The following CAMK1D variants were observed in gnomAD, a reference collection of about 807,000 sequenced individuals.
CAMK1D encodes the protein calcium/calmodulin dependent protein kinase ID, also known as calcium/calmodulin-dependent protein kinase type 1D.
CAMK1D carries 9 observed loss-of-function variants against 47.7 expected under a neutral mutation model. The ratio of observed to expected loss-of-function variants is 0.19; its 90% CI spans 0.11 to 0.33. CAMK1D has a LOEUF of 0.33. Ranked by LOEUF, CAMK1D falls within the 10% of genes least tolerant of loss-of-function variation. The pLI is 1.00. For missense variants in CAMK1D, 291 were observed against 488.7 expected, an observed-to-expected ratio of 0.60 and a Z score of 3.81; for synonymous variants, 184 against 184.9, an observed-to-expected ratio of 0.99 and a Z score of 0.04.
intron 7 of CAMK1D, among the ~76,000 whole-genome samples, chr10:12,816,032 G>A (rs561123186): frequency 6.6e-6 from 1 of 152,174 alleles, no homozygotes; most frequent in South Asian, 2.1e-4. Context: ...AGGGTCCCAG[G>A]CCACCTCCTC....
intron 3 of CAMK1D, among the ~76,000 whole-genome samples, chr10:12,672,525 C>T (rs183879655): frequency 5.3e-5 from 8 of 151,710 alleles, no homozygotes; most frequent in South Asian, 2.1e-4. Context: ...TGCACCACCA[C>T]GCCTAGATAA....
At position 12,828,904 on chromosome 10, in the gene CAMK1D, G is replaced by C; in HGVS notation, c.*17G>C. The C allele has an allele frequency of 6.3e-7, 1 of 1,584,450 alleles. No individual in the cohort carries two copies. On this transcript the variant is annotated 3_prime_UTR_variant, in exon 11 of 11. Coordinates refer to ENST00000619168, the MANE Select transcript of CAMK1D (RefSeq NM_153498.4). ...AGCAAGTGACTGGCCCTGGAGGTGG[G>C]GCCCGGGGTCGGGGCTGGGGAAGGG...
At chr10:12,423,494 GAC>G (rs781193201) in intron 1 of CAMK1D, among the ~76,000 whole-genome samples, 1 of 150,932 alleles carries the variant, frequency 6.6e-6, no homozygotes, top group Non-Finnish European at 1.5e-5. Context: ...CAGCCCAGGG[GAC>G]AGAGTGAGTC....
chr10:12,653,761 A>G (rs901105839), intron 2 of CAMK1D, among the ~76,000 whole-genome samples: 6 of 152,140 alleles, frequency 3.9e-5, no homozygotes, highest in Admixed American at 6.5e-5. Flanking sequence ...TTCTTTTACA[A>G]TTGGCTTCCC....
intron 2 of CAMK1D, among the ~76,000 whole-genome samples, chr10:12,626,847 G>A (rs1473114170): frequency 6.6e-6 from 1 of 152,052 alleles, no homozygotes; most frequent in East Asian, 1.9e-4. Flanking sequence ...ATCATCTACT[G>A]ATGTTGTACT....
intron 3 of CAMK1D, among the ~76,000 whole-genome samples, chr10:12,720,557 A>G (rs1250926523): frequency 3.3e-5 from 5 of 152,214 alleles, no homozygotes; most frequent in Admixed American, 2.6e-4. Context: ...GACGTGGTAG[A>G]TAAGACTGTT....
At chr10:12,527,101 T>C (rs2768459) in intron 1 of CAMK1D, among the ~76,000 whole-genome samples, 2 of 151,654 alleles carry the variant, frequency 1.3e-5, no homozygotes, top group African/African-American at 4.8e-5. Context: ...TTTGGCCAGG[T>C]AGAAGGGTTA....
At chr10:12,604,903 T>TG (rs1303928337) in intron 2 of CAMK1D, among the ~76,000 whole-genome samples, 1 of 151,794 alleles carries the variant, frequency 6.6e-6, no homozygotes, top group African/African-American at 2.4e-5. Flanking sequence ...CTTTTTTTTT[T>TG]TTGAGATGGA....
chr10:12,501,015 G>C (rs1834686318), intron 1 of CAMK1D, among the ~76,000 whole-genome samples: 1 of 152,096 alleles, frequency 6.6e-6, no homozygotes, highest in Non-Finnish European at 1.5e-5. Context: ...AAAGACCTCT[G>C]GGCTAATCAT....
intron 2 of CAMK1D, among the ~76,000 whole-genome samples, chr10:12,576,126 T>G (rs1456640805): frequency 6.6e-6 from 1 of 152,244 alleles, no homozygotes. Context: ...TGTTCCTAAG[T>G]AAAATAGTTT....
intron 3 of CAMK1D, among the ~76,000 whole-genome samples, chr10:12,721,246 A>G (rs887841626): frequency 6.6e-6 from 1 of 152,208 alleles, no homozygotes; most frequent in African/African-American, 2.4e-5. Flanking sequence ...GTAATTCGAG[A>G]CCAGTCACAG....
intron 1 of CAMK1D, among the ~76,000 whole-genome samples, chr10:12,370,201 A>T (rs912913123): frequency 5.3e-5 from 8 of 151,982 alleles, no homozygotes; most frequent in Non-Finnish European, 7.4e-5. Flanking sequence ...CGCTGTCATG[A>T]TGTTGTGGTG....
intron 3 of CAMK1D, among the ~76,000 whole-genome samples, chr10:12,751,592 C>T (rs1835988407): frequency 6.6e-6 from 1 of 152,188 alleles, no homozygotes; most frequent in South Asian, 2.1e-4. Flanking sequence ...TCTGCTACCA[C>T]CTAAGTATAA....
chr10:12,413,581 G>GATA (rs1839746308), intron 1 of CAMK1D, among the ~76,000 whole-genome samples: 3 of 134,528 alleles, frequency 2.2e-5, no homozygotes, highest in Admixed American at 7.4e-5. Flanking sequence ...TGGGGATGAT[G>GATA]ATAGTACTGG....
intron 8 of CAMK1D, among the ~76,000 whole-genome samples, chr10:12,824,106 G>T (rs1396794748): frequency 6.6e-6 from 1 of 152,072 alleles, no homozygotes; most frequent in Non-Finnish European, 1.5e-5. Context: ...AGGCAGAGGG[G>T]ATGAGGGGGA....
At chr10:12,496,275 T>C (rs1314711573) in intron 1 of CAMK1D, among the ~76,000 whole-genome samples, 1 of 152,116 alleles carries the variant, frequency 6.6e-6, no homozygotes, top group Non-Finnish European at 1.5e-5. Context: ...TCAGTTAGGG[T>C]CAAGATTGCC....
chr10:12,461,242 G>A (rs1303075328), intron 1 of CAMK1D, among the ~76,000 whole-genome samples: 1 of 152,204 alleles, frequency 6.6e-6, no homozygotes, highest in Non-Finnish European at 1.5e-5. Flanking sequence ...GAGGATACAT[G>A]TTCCGTGCTC....
At chr10:12,618,512 C>T (rs11257918) in intron 2 of CAMK1D, among the ~76,000 whole-genome samples, 33,132 of 152,058 alleles carry the variant, frequency 0.22, 3,973 homozygotes, top group South Asian at 0.33. Flanking sequence ...GGATGAAAAC[C>T]CTTGTTCATG....
intron 1 of CAMK1D, among the ~76,000 whole-genome samples, chr10:12,395,098 G>A (rs556963232): frequency 9.6e-5 from 13 of 135,460 alleles, no homozygotes; most frequent in African/African-American, 3.7e-4. Context: ...CAGAGACAGG[G>A]TCTCACTCTA....
Sources: gnomAD v4.1 joint callset for allele counts (sites outside exome capture counted in the v4.1 genomes callset) on GRCh38, gnomAD v4.1.1 for gene constraint, MANE v1.5 for transcripts, NCBI Gene and HGNC (gene_info 2026-07-23, HGNC 2026-07-21) for gene names.